The following ARHGAP45 variants were observed in gnomAD, a reference collection of about 807,000 sequenced individuals.
The protein encoded by ARHGAP45 is rho GTPase-activating protein 45.
In ARHGAP45, 56 loss-of-function variants were observed where a neutral mutation model predicts 116.1. The observed-to-expected ratio is 0.48, with a 90% CI of 0.39 to 0.60. The LOEUF (loss-of-function observed/expected upper bound fraction) is 0.60. ARHGAP45 is among the 20% of genes least tolerant of loss of function. ARHGAP45 has a pLI of 0.00. For missense variants in ARHGAP45, 1,622 were observed against 1,601.0 expected (o/e 1.01, Z -0.22); for synonymous variants, 866 against 701.7 (o/e 1.23, Z -3.70).
chr19:1,071,178 G>C lies in ARHGAP45; in HGVS notation c.422-1971G>C, dbSNP rs879847094. On this transcript the variant is annotated intron_variant, in intron 2 of 22. Coordinates refer to ENST00000313093, the MANE Select transcript of ARHGAP45 (RefSeq NM_012292.5). The surrounding 1 kb of genome is among the most constrained non-coding windows in gnomAD (Gnocchi z 4.6). The stretch of plus-strand genomic sequence containing the variant: ...GGGACCCCAGGGCGGGGTTTCCCTC[G>C]CGGGGGCGGGGCCTCCTGACCGGCC... 6.0e-5 allele frequency: 81 copies of C among 1,342,340 alleles called. No homozygotes were observed. The Admixed American group carries it at 2.7e-3, about 45-fold the overall frequency. The allele number at this position is 1,342,340 out of a possible 1,614,324, so 83.2% of individuals were successfully genotyped here. A position where few individuals can be genotyped will look rare whatever the true frequency, so the allele number is the denominator to read the frequency against.
In ARHGAP45 at chr19:1,074,661, C is replaced by T; in HGVS notation, c.1041C>T (p.Asp347=). ...TCTACTCGCTGGCCCTGGAGCAGGA[C>T]CTGGAGTTCGGCCACAGCATGGTGC... ...LSIYSLALEQ[D]LEFGHSMVQA... Residue 347 remains aspartate, a synonymous_variant, in exon 9 of 23, where the codon GAC becomes GAT. Coordinates refer to ENST00000313093, the MANE Select transcript of ARHGAP45 (RefSeq NM_012292.5). 6.2e-7 allele frequency: 1 copy of T among 1,610,832 alleles called. No homozygotes were observed. Among genetic ancestry groups the T allele is most frequent in the South Asian group, 1.1e-5 (1 of 90,510 alleles).
intron 1 of ARHGAP45, chr19:1,067,735 C>T: frequency 2.9e-6 from 2 of 682,960 alleles, no homozygotes; most frequent in South Asian, 3.0e-5. Context: ...GCCGCGGGGC[C>T]CAGGGAGCAG....
In ARHGAP45 at chr19:1,068,693, G is replaced by T. The variant is rs1345112721; in HGVS notation, c.370G>T (p.Ala124Ser). 1 of 1,612,672 alleles carries T rather than the reference G, an allele frequency of 6.2e-7. No homozygotes were observed. The highest frequency in any genetic ancestry group is 8.5e-7 in the Non-Finnish European group (1 of 1,180,022). Residue 124 changes from alanine to serine, a missense_variant, in exon 2 of 23, where the codon GCC becomes TCC. Transcript: ENST00000313093. The surrounding 1 kb of genome is among the most constrained non-coding windows in gnomAD (Gnocchi z 7.5). ...EDISHLLADV[A>S]RFAEGLEKLK... is the part of the protein sequence containing the mutation. ...CATCTCCCATCTGCTGGCGGACGTGGCCCGCTTCGCTGAGGGCCTTGAGAA... is the reference window on the plus strand; with the variant it reads ...CATCTCCCATCTGCTGGCGGACGTGTCCCGCTTCGCTGAGGGCCTTGAGAA...
chr19:1,074,465 C>G, intron 8 of ARHGAP45, 58 bp downstream of exon 8: 1 of 1,447,598 alleles, frequency 6.9e-7, no homozygotes, highest in Non-Finnish European at 9.2e-7. Flanking sequence ...AGTCTCAGCC[C>G]CATTTCAAGG....
Position 1,083,013 on chromosome 19 carries a change from C to T in ARHGAP45, c.2691C>T (p.Asp897=), listed in dbSNP as rs577875328. 1.1e-4 allele frequency: 169 copies of T among 1,545,016 alleles called. 3 individuals carry two copies. The South Asian group carries it at 1.8e-3, about 16-fold the overall frequency. The change falls in exon 20 of 23, where the codon GAC becomes GAT. Residue 897 remains aspartate, a synonymous_variant. Coordinates refer to ENST00000313093, the MANE Select transcript of ARHGAP45 (RefSeq NM_012292.5). The part of the protein sequence containing the change: ...LAGRLRELLR[D]LPPENRASLQ... The stretch of plus-strand genomic sequence containing the variant: ...GTCGGCTGCGGGAGCTCCTGCGGGA[C>T]CTGCCGCCTGAGAACCGGGCCTCGC...
intron 11 of ARHGAP45, 80 bp downstream of exon 11, chr19:1,078,125 C>T: frequency 2.1e-6 from 3 of 1,456,778 alleles, no homozygotes; most frequent in Non-Finnish European, 2.7e-6. Flanking sequence ...TACCTCCAGA[C>T]CTTTGTTTTT....
At position 1,076,483 on chromosome 19, in the gene ARHGAP45, C is replaced by CTTT. The variant is rs71174343; in HGVS notation, c.1186-1346_1186-1344dup. Reference sequence around the variant, plus strand: ...GAAACCTGTGATTGTTGGCAGTAGTCTTTTTTTTTTTTTTTTTTTTTTTTT... The same window carrying CTTT: ...GAAACCTGTGATTGTTGGCAGTAGTCTTTTTTTTTTTTTTTTTTTTTTTTTTTT... On this transcript the variant is annotated intron_variant, in intron 10 of 22. Transcript: ENST00000313093. 4.3e-3 allele frequency among the ~76,000 whole-genome samples: 277 copies of CTTT among 64,988 alleles called. 56 individuals are homozygous for CTTT. The highest frequency in any genetic ancestry group is 0.012 in the South Asian group (18 of 1,504). 42.6% of individuals were successfully genotyped at this position (64,988 alleles called of 152,430 possible). A position where few individuals can be genotyped will look rare whatever the true frequency, so the allele number is the denominator to read the frequency against.
rs936153775 is a variant in ARHGAP45 at position 1,075,062 on chromosome 19, C to T, written c.1185+183C>T. Among the ~76,000 whole-genome samples, 162 of 151,086 alleles carry T rather than the reference C, an allele frequency of 1.1e-3. 1 individual carries two copies. The highest frequency in any genetic ancestry group is 2.1e-3 in the Non-Finnish European group (145 of 67,914). ...ACGCCAAGCCGGGTCGGAGATGCTC[C>T]AGCCCCGTCGCCCCCAGCTCTGCCT... On this transcript the variant is annotated intron_variant, in intron 10 of 22. Coordinates refer to ENST00000313093, the MANE Select transcript of ARHGAP45 (RefSeq NM_012292.5).
At position 1,085,614 on chromosome 19, in the gene ARHGAP45, C is replaced by T. The variant is rs542211178; in HGVS notation, c.3065-46C>T. 1.4e-5 allele frequency: 19 copies of T among 1,396,524 alleles called. No individual in the cohort carries two copies. In the East Asian group the frequency reaches 2.5e-4, roughly 18 times the overall value. 86.5% of individuals were successfully genotyped at this position (1,396,524 alleles called of 1,614,324 possible). ...TCTGTCCCTCCCCTTGTCTCTCCTC[C>T]ATCTCTCCTGTCTGTCTCCCCCCGC... On this transcript the variant is annotated intron_variant, in intron 22 of 22. Coordinates refer to ENST00000313093, the MANE Select transcript of ARHGAP45 (RefSeq NM_012292.5).
rs751285753 is a variant in ARHGAP45 at position 1,077,980 on chromosome 19, G to A, written c.1309G>A (p.Ala437Thr). The A allele has an allele frequency of 1.2e-5, 18 of 1,554,148 alleles. No individual in the cohort carries two copies. The African/African-American group carries it at 1.4e-4, about 12-fold the overall frequency. ...GGAGCAGGCTGGCAGCGCGCCGGGA[G>A]CAGGCAGCACGGCCACCAAGACCCT... ...EEEQAGSAPG[A>T]GSTATKTLDK... Residue 437 changes from alanine (A) to threonine (T), a missense_variant, in exon 11 of 23, where the codon GCA (alanine) becomes ACA (threonine). Around this residue, in one of 3 missense-constraint regions of ARHGAP45, gnomAD observed 1,334 missense variants for 1,263.8 expected, o/e 1.06. Coordinates refer to ENST00000313093, the MANE Select transcript of ARHGAP45 (RefSeq NM_012292.5).
At position 1,080,301 on chromosome 19, in the gene ARHGAP45, G is replaced by T; in HGVS notation, c.1750G>T (p.Val584Leu). 6.2e-7 allele frequency: 1 copy of T among 1,612,442 alleles called. No homozygotes were observed. Residue 584 changes from valine (V) to leucine (L), a missense_variant, in exon 14 of 23, where the codon GTG becomes TTG. Coordinates refer to ENST00000313093, the MANE Select transcript of ARHGAP45 (RefSeq NM_012292.5). ...GAAGAGCAGCTTCAACGTGAGTGAT[G>T]TGGCGCGGCCGGAGGCTGCCGGGAG... is the stretch of plus-strand genomic sequence containing the variant. ...ARKSSFNVSDVARPEAAGSPP... is the reference protein window; with the variant it reads ...ARKSSFNVSDLARPEAAGSPP...
intron 17 of ARHGAP45, chr19:1,081,349 C>T (rs1232303677): frequency 3.0e-6 from 2 of 661,230 alleles, no homozygotes; most frequent in African/African-American, 1.8e-5. Context: ...GTCCAGAAAA[C>T]CAAGGGGCGG....
At chr19:1,070,390 G>C (rs185413865) in intron 2 of ARHGAP45, among the ~76,000 whole-genome samples, 4,735 of 145,514 alleles carry the variant, frequency 0.033, 167 homozygotes, top group East Asian at 0.19. Context: ...GAGTGCAGGG[G>C]CGAGATCTCA....
In ARHGAP45 at chr19:1,074,427, G is replaced by A. The variant is rs1359751965; in HGVS notation, c.993+20G>A. The A allele has an allele frequency of 2.7e-6, 4 of 1,506,240 alleles. No homozygotes were observed. The South Asian group carries it at 3.9e-5, about 15-fold the overall frequency. 93.3% of individuals were successfully genotyped at this position (1,506,240 alleles called of 1,614,324 possible). A position where few individuals can be genotyped will look rare whatever the true frequency, so the allele number is the denominator to read the frequency against. ...CAGGAGGTGGGGGCCCCGCGGGCAC[G>A]GGGCGGGGGTCCCTGGGCCCGGGTG... On this transcript the variant is annotated intron_variant, in intron 8 of 22. Transcript: ENST00000313093.
chr19:1,074,838 A>C lies in ARHGAP45; in HGVS notation c.1144A>C (p.Lys382Gln). Residue 382 changes from lysine to glutamine, a missense_variant, in exon 10 of 23, where the codon AAG becomes CAG. By Grantham distance (53) the Lys-to-Gln change is moderately conservative. Around this residue, in one of 3 missense-constraint regions of ARHGAP45, gnomAD observed 1,334 missense variants for 1,263.8 expected, o/e 1.06. Transcript: ENST00000313093. ...LRRLEHEKRRKEIKEAWHRAQ... is the reference protein window; with the variant it reads ...LRRLEHEKRRQEIKEAWHRAQ... The stretch of plus-strand genomic sequence containing the variant: ...GCGGCTTGAACACGAGAAGCGCAGG[A>C]AGGAGATCAAGGAGGCCTGGCACCG... The C allele has an allele frequency of 7.1e-7, 1 of 1,399,398 alleles. No individual in the cohort carries two copies. The highest frequency in any genetic ancestry group is 9.5e-7 in the Non-Finnish European group (1 of 1,049,182). The allele number at this position is 1,399,398 out of a possible 1,614,324, so 86.7% of individuals were successfully genotyped here.
In ARHGAP45 at chr19:1,073,347, A is replaced by G. The variant is rs2043175186; in HGVS notation, c.565+55A>G. 2.5e-6 allele frequency: 4 copies of G among 1,600,966 alleles called. No homozygotes were observed. In the African/African-American group the frequency reaches 5.4e-5, roughly 21 times the overall value. ...CTCTCTGCCTAGAAGGGCATCCTGGAGGAGGGGATGTTTGAAGTGGGTTTT... is the reference window on the plus strand; with the variant it reads ...CTCTCTGCCTAGAAGGGCATCCTGGGGGAGGGGATGTTTGAAGTGGGTTTT... On this transcript the variant is annotated intron_variant, in intron 3 of 22. Transcript: ENST00000313093.
In ARHGAP45 at chr19:1,079,973, CTGCCCG is replaced by C; in HGVS notation, c.1562_1567del (p.Pro521_Val522del). 6.2e-7 allele frequency: 1 copy of C among 1,612,774 alleles called. No homozygotes were observed. Among genetic ancestry groups the C allele is most frequent in the Non-Finnish European group, 8.5e-7 (1 of 1,179,764 alleles). On this transcript the variant is annotated inframe_deletion, in exon 13 of 23. Transcript: ENST00000313093. Reference sequence around the variant, plus strand: ...GATGATGCATATGCAGACGGCGCCGCTGCCCGTGCACTTCCAGATGCTGTGTGAGAG... The same window carrying C: ...GATGATGCATATGCAGACGGCGCCGCTGCACTTCCAGATGCTGTGTGAGAG...
intron 22 of ARHGAP45, among the ~76,000 whole-genome samples, chr19:1,084,912 T>C (rs903404752): frequency 3.3e-5 from 5 of 152,102 alleles, no homozygotes; most frequent in Non-Finnish European, 7.4e-5. Context: ...TGAAATCCCA[T>C]CTCTACTAAA....
rs996571054 is a variant in ARHGAP45, at chr19:1,080,531, C to T, written c.1896C>T (p.Asp632=). Residue 632 remains aspartate (D), a synonymous_variant, in exon 15 of 23, where the codon GAC becomes GAT. Coordinates refer to ENST00000313093, the MANE Select transcript of ARHGAP45 (RefSeq NM_012292.5). ...LSISDSDSGL[D]PGPGAGDFKK... ...TCTCAGACTCGGACAGTGGGCTGGA[C>T]CCCGGCCCTGGCGCAGGTGAGGGAG... 1.2e-6 allele frequency: 2 copies of T among 1,612,810 alleles called. No homozygotes were observed. The highest frequency in any genetic ancestry group is 2.7e-5 in the African/African-American group (2 of 75,052).
Sources: gnomAD v4.1 joint callset for allele counts (sites outside exome capture counted in the v4.1 genomes callset) on GRCh38, gnomAD v4.1.1 for gene constraint, gnomAD v4.1.1 regional missense constraint, Gnocchi (gnomAD v3.1) non-coding constraint, MANE v1.5 for transcripts, NCBI Gene and HGNC (gene_info 2026-07-23, HGNC 2026-07-21) for gene names.